EIF3L: variants seen among roughly 807,000 people sequenced by gnomAD.
EIF3L encodes the protein eukaryotic translation initiation factor 3 subunit L.
In EIF3L, 32 loss-of-function variants were observed where a neutral mutation model predicts 74.6. That is an observed-to-expected ratio of 0.43 (90% CI 0.32 to 0.58). The LOEUF is 0.58. EIF3L is among the 20% of genes least tolerant of loss of function. The pLI, the probability that EIF3L is intolerant of heterozygous loss-of-function variation, is 0.06. For missense variants in EIF3L, 474 were observed against 707.8 expected, an observed-to-expected ratio of 0.67 and a Z score of 3.75; for synonymous variants, 256 against 254.4, an observed-to-expected ratio of 1.01 and a Z score of -0.06.
chr22:37,863,251 T>TAGA (rs1340106023), intron 6 of EIF3L, 21 bp from the exon 7 acceptor site: 4 of 1,602,816 alleles, frequency 2.5e-6, no homozygotes, highest in Non-Finnish European at 3.4e-6. Context: ...GAATCTGACT[T>TAGA]TTCTGTGATC....
intron 8 of EIF3L, among the ~76,000 whole-genome samples, chr22:37,872,503 T>A (rs916967290): frequency 3.3e-5 from 5 of 152,202 alleles, no homozygotes; most frequent in East Asian, 3.8e-4. Context: ...TACATTTTTT[T>A]AAAAAGTCAG....
Position 37,888,599 on chromosome 22 carries a change from A to T in EIF3L, c.*135A>T, listed in dbSNP as rs1336784509. 17 of 850,186 alleles carry T rather than the reference A, an allele frequency of 2.0e-5. No homozygotes were observed. In the East Asian group the frequency reaches 3.4e-4, roughly 17 times the overall value. 52.7% of individuals were successfully genotyped at this position (850,186 alleles called of 1,614,324 possible). A position where few individuals can be genotyped will look rare whatever the true frequency, so the allele number is the denominator to read the frequency against. ...ACAAGTTAAGGACCGAAGTGTTTCA[A>T]GTGGATCTCAGTAAAGGATCTTTGG... On this transcript the variant is annotated 3_prime_UTR_variant, in exon 13 of 13. Coordinates refer to ENST00000652021, the MANE Select transcript of EIF3L (RefSeq NM_016091.4).
chr22:37,857,461 A>G (rs1925589133), intron 4 of EIF3L, among the ~76,000 whole-genome samples: 1 of 150,462 alleles, frequency 6.6e-6, no homozygotes, highest in Non-Finnish European at 1.5e-5. Flanking sequence ...GGTTGCGTTC[A>G]CCAGTGTTTT....
rs1569118913 is a variant in EIF3L, at chr22:37,871,871, G to GAA, written c.751+1524_751+1525insAA. Among the ~76,000 whole-genome samples, 20 of 111,592 alleles carry GAA rather than the reference G, an allele frequency of 1.8e-4. 1 individual carries two copies. Among genetic ancestry groups the GAA allele is most frequent in the African/African-American group, 3.2e-4 (10 of 30,834 alleles). 73.2% of individuals were successfully genotyped at this position (111,592 alleles called of 152,430 possible). A position where few individuals can be genotyped will look rare whatever the true frequency, so the allele number is the denominator to read the frequency against. ...GTGACAGAGCGAGACTCTGTCTCGG[G>GAA]GAAAAAAAAAAAAAAAAAAAAGATA... On this transcript the variant is annotated intron_variant, in intron 8 of 12. Transcript: ENST00000652021.
Position 37,888,681 on chromosome 22 carries a change from A to G in EIF3L, c.*217A>G. 1.7e-6 allele frequency: 1 copy of G among 578,126 alleles called. No individual in the cohort carries two copies. Among genetic ancestry groups the G allele is most frequent in the Non-Finnish European group, 3.1e-6 (1 of 324,488 alleles). 35.8% of individuals were successfully genotyped at this position (578,126 alleles called of 1,614,324 possible). A position where few individuals can be genotyped will look rare whatever the true frequency, so the allele number is the denominator to read the frequency against. ...AGAATTTGTGGGTTGTGGCAGTAAT[A>G]CATTTCCCATGTGTCCTGATGCTTT... On this transcript the variant is annotated 3_prime_UTR_variant, in exon 13 of 13. Coordinates refer to ENST00000652021, the MANE Select transcript of EIF3L (RefSeq NM_016091.4).
intron 3 of EIF3L, among the ~76,000 whole-genome samples, chr22:37,852,166 A>G (rs1457719128): frequency 4.6e-5 from 7 of 151,904 alleles, no homozygotes; most frequent in African/African-American, 1.5e-4. Flanking sequence ...ATTAACAATT[A>G]TAATAATAAT....
Position 37,858,219 on chromosome 22 carries a change from CTTTT to C in EIF3L, c.374-438_374-435del, listed in dbSNP as rs549425262. ...TCTGAAATTAATATTTTCTTTCTTC[CTTTT>C]TTTTTTTTTTTTTTTTTTTTTGACA... On this transcript the variant is annotated intron_variant, in intron 4 of 12. Transcript: ENST00000652021. Among the ~76,000 whole-genome samples, 29 of 85,100 alleles carry C rather than the reference CTTTT, an allele frequency of 3.4e-4. No individual in the cohort carries two copies. In the South Asian group the frequency reaches 9.9e-3, roughly 29 times the overall value. The allele number at this position is 85,100 out of a possible 152,430, so 55.8% of individuals were successfully genotyped here.
chr22:37,874,240 AT>A, intron 8 of EIF3L, 129 bp from the exon 9 acceptor site: 1 of 889,570 alleles, frequency 1.1e-6, no homozygotes, highest in East Asian at 2.7e-5. Flanking sequence ...CTTTGAAGTT[AT>A]TCCCCAGTTG....
At chr22:37,875,538 C>G (rs994966372) in intron 9 of EIF3L, among the ~76,000 whole-genome samples, 2 of 151,990 alleles carry the variant, frequency 1.3e-5, no homozygotes, top group African/African-American at 4.8e-5. Context: ...CTTCCCTGTC[C>G]AAAAGGACTT....
At chr22:37,856,780 G>A (rs1925535429) in intron 4 of EIF3L, among the ~76,000 whole-genome samples, 2 of 151,504 alleles carry the variant, frequency 1.3e-5, no homozygotes, top group Admixed American at 1.3e-4. Context: ...GAAGGCAGAG[G>A]TTGCGGTGAG....
At chr22:37,871,868 C>T (rs537811595) in intron 8 of EIF3L, among the ~76,000 whole-genome samples, 5 of 89,250 alleles carry the variant, frequency 5.6e-5, no homozygotes, top group Middle Eastern at 6.8e-3. Flanking sequence ...GACTCTGTCT[C>T]GGGGAAAAAA....
intron 9 of EIF3L, among the ~76,000 whole-genome samples, chr22:37,875,582 G>A (rs573340785): frequency 6.6e-6 from 1 of 152,184 alleles, no homozygotes; most frequent in East Asian, 1.9e-4. Context: ...ACAAAACTGA[G>A]ATGTATAGCA....
At chr22:37,873,934 T>G (rs917995435) in intron 8 of EIF3L, among the ~76,000 whole-genome samples, 1 of 152,220 alleles carries the variant, frequency 6.6e-6, no homozygotes, top group Non-Finnish European at 1.5e-5. Context: ...TTTTGTGTCG[T>G]TGCCTGATTT....
chr22:37,851,568 ACT>A (rs779983840), intron 3 of EIF3L, 78 bp downstream of exon 3: 1 of 582,238 alleles, frequency 1.7e-6, no homozygotes, highest in South Asian at 1.7e-5. Context: ...TGAGGTGAGC[ACT>A]CTGTAAACAG....
Position 37,849,448 on chromosome 22 carries a change from C to T in EIF3L, c.-2C>T, listed in dbSNP as rs762476176. 2.3e-5 allele frequency: 37 copies of T among 1,613,520 alleles called. No homozygotes were observed. Among genetic ancestry groups the T allele is most frequent in the South Asian group, 2.1e-4 (19 of 90,998 alleles). On this transcript the variant is annotated 5_prime_UTR_variant, in exon 1 of 13. Transcript: ENST00000652021. The stretch of plus-strand genomic sequence containing the variant: ...CCGGCGGTGCTCGCAAGCGAGGCAG[C>T]CATGTCTTATCCCGCTGATGATTAT...
chr22:37,852,926 T>G (rs574443179), intron 3 of EIF3L, among the ~76,000 whole-genome samples: 1 of 152,156 alleles, frequency 6.6e-6, no homozygotes, highest in Admixed American at 6.5e-5. Flanking sequence ...AGCATCGAGG[T>G]CTTTCACCAC....
chr22:37,861,362 G>A (rs1025461869), intron 5 of EIF3L, among the ~76,000 whole-genome samples: 13 of 152,064 alleles, frequency 8.5e-5, no homozygotes, highest in East Asian at 5.8e-4. Context: ...GCATCCCAGC[G>A]GGATCTCTGA....
In EIF3L at chr22:37,888,041, G is replaced by A. The variant is rs2179227; in HGVS notation, c.1657-385G>A. Reference sequence around the variant, plus strand: ...AGCCCTGCTGCTCTTTTTACTTTCTGGCTGTTTAGATCACATCTGTCAGGG... The same window carrying A: ...AGCCCTGCTGCTCTTTTTACTTTCTAGCTGTTTAGATCACATCTGTCAGGG... On this transcript the variant is annotated intron_variant, in intron 12 of 12. Transcript: ENST00000652021. 3.5e-3 allele frequency: 631 copies of A among 179,434 alleles called. 3 individuals carry two copies. Among genetic ancestry groups the A allele is most frequent in the African/African-American group, 0.014 (601 of 42,466 alleles). 11.1% of individuals were successfully genotyped at this position (179,434 alleles called of 1,614,324 possible).
intron 4 of EIF3L, among the ~76,000 whole-genome samples, chr22:37,856,900 C>CTT (rs76324959): frequency 7.1e-6 from 1 of 141,304 alleles, no homozygotes. Context: ...CAACTTTGTT[C>CTT]TTTTTTTTTT....
Sources: gnomAD v4.1 joint callset for allele counts (sites outside exome capture counted in the v4.1 genomes callset) on GRCh38, gnomAD v4.1.1 for gene constraint, MANE v1.5 for transcripts, NCBI Gene and HGNC (gene_info 2026-07-23, HGNC 2026-07-21) for gene names.